ADAD1: variants seen among roughly 807,000 people sequenced by gnomAD.
The protein encoded by ADAD1 is adenosine deaminase domain containing 1, also known as adenosine deaminase domain-containing protein 1.
In ADAD1, 46 loss-of-function variants were observed where a neutral mutation model predicts 66.8. That is an observed-to-expected ratio of 0.69 (90% CI 0.54 to 0.88). The LOEUF (loss-of-function observed/expected upper bound fraction) is 0.88, where lower values mean the gene tolerates loss of function less well. ADAD1 is among the 40% of genes least tolerant of loss of function. The pLI is 0.00. For missense variants in ADAD1, 617 were observed against 681.8 expected, an observed-to-expected ratio of 0.91 and a Z score of 1.06; for synonymous variants, 248 against 229.4, an observed-to-expected ratio of 1.08 and a Z score of -0.73.
At chr4:122,425,937 GA>G (rs1797213827) in intron 12 of ADAD1, among the ~76,000 whole-genome samples, 1 of 151,936 alleles carries the variant, frequency 6.6e-6, no homozygotes, top group Admixed American at 6.6e-5. Flanking sequence ...TCCAGTTCAA[GA>G]AGCCAGAAGA....
chr4:122,384,505 C>G (rs1405042617), intron 5 of ADAD1, among the ~76,000 whole-genome samples: 2 of 152,058 alleles, frequency 1.3e-5, no homozygotes, highest in Non-Finnish European at 2.9e-5. Context: ...ATAGTTATAC[C>G]TTCTGTGGTT....
intron 8 of ADAD1, among the ~76,000 whole-genome samples, chr4:122,410,456 A>C (rs1029101337): frequency 1.3e-5 from 2 of 152,178 alleles, no homozygotes; most frequent in East Asian, 1.9e-4. Context: ...GTAGTCTTTC[A>C]GGAGATCTGC....
At chr4:122,387,053 T>C (rs971866593) in intron 5 of ADAD1, among the ~76,000 whole-genome samples, 3 of 152,164 alleles carry the variant, frequency 2.0e-5, no homozygotes, top group Non-Finnish European at 2.9e-5. Flanking sequence ...TTTAAAATAG[T>C]TTTTTCTAAT....
At chr4:122,392,993 A>C (rs1021763156) in intron 5 of ADAD1, among the ~76,000 whole-genome samples, 1 of 148,424 alleles carries the variant, frequency 6.7e-6, no homozygotes, top group Non-Finnish European at 1.5e-5. Flanking sequence ...GACTACTTTA[A>C]TTGGTACCTT....
At chr4:122,406,996 A>G (rs1796243147) in intron 7 of ADAD1, among the ~76,000 whole-genome samples, 1 of 152,094 alleles carries the variant, frequency 6.6e-6, no homozygotes, top group Non-Finnish European at 1.5e-5. Flanking sequence ...TGTCTTGCTC[A>G]ACATTTTATT....
At position 122,380,463 on chromosome 4, in the gene ADAD1, AC is replaced by A. The variant is rs926462666; in HGVS notation, c.172+230del. 2.1e-4 allele frequency: 109 copies of A among 520,884 alleles called. 1 individual carries two copies. Among genetic ancestry groups the A allele is most frequent in the East Asian group, 8.4e-4 (25 of 29,714 alleles). The allele number at this position is 520,884 out of a possible 1,614,324, so 32.3% of individuals were successfully genotyped here. ...ATCTGTTACCACCTTGACTGTTCAA[AC>A]CCCCCCCTTCAAGTGTGGCTTGCCT... On this transcript the variant is annotated intron_variant, in intron 3 of 12. Coordinates refer to ENST00000296513, the MANE Select transcript of ADAD1 (RefSeq NM_139243.4).
chr4:122,426,814 G>T (rs1797260047), intron 12 of ADAD1, among the ~76,000 whole-genome samples: 1 of 152,094 alleles, frequency 6.6e-6, no homozygotes, highest in Non-Finnish European at 1.5e-5. Context: ...AACAAACAAG[G>T]AATAGAAGTG....
intron 9 of ADAD1, among the ~76,000 whole-genome samples, chr4:122,412,362 C>A (rs560049352): frequency 6.6e-5 from 10 of 152,026 alleles, no homozygotes; most frequent in East Asian, 5.8e-4. Context: ...AAAAATATCT[C>A]TGTTGGAAGC....
chr4:122,422,637 G>A (rs77836544), intron 12 of ADAD1, among the ~76,000 whole-genome samples: 68 of 151,984 alleles, frequency 4.5e-4, no homozygotes, highest in Non-Finnish European at 8.7e-4. Context: ...AAGTATAAAA[G>A]CTTTTCTAGA....
At chr4:122,390,199 G>A (rs1345886354) in intron 5 of ADAD1, among the ~76,000 whole-genome samples, 1 of 152,144 alleles carries the variant, frequency 6.6e-6, no homozygotes, top group Non-Finnish European at 1.5e-5. Context: ...AATCTCTCCT[G>A]GCTAGCAGAG....
chr4:122,397,492 T>C (rs1332214661), intron 7 of ADAD1, among the ~76,000 whole-genome samples: 2 of 152,180 alleles, frequency 1.3e-5, no homozygotes, highest in African/African-American at 4.8e-5. Flanking sequence ...AATGTCAATA[T>C]TAGTACTTGG....
At chr4:122,419,309 A>G (rs1560604818) in intron 11 of ADAD1, among the ~76,000 whole-genome samples, 1 of 152,180 alleles carries the variant, frequency 6.6e-6, no homozygotes, top group African/African-American at 2.4e-5. Flanking sequence ...GTTCTCTCTT[A>G]TAAGTAGGAG....
At position 122,380,066 on chromosome 4, in the gene ADAD1, GA is replaced by G; in HGVS notation, c.1del. Reference sequence around the variant, plus strand: ...CAATTTTATCGTGACCTCTAGGTGAGAAAATGGCTAGCAACAATCATTGGTT... The same window carrying G: ...CAATTTTATCGTGACCTCTAGGTGAGAAATGGCTAGCAACAATCATTGGTT... On this transcript the variant is annotated 5_prime_UTR_variant, in exon 3 of 13. Transcript: ENST00000296513. 1.2e-6 allele frequency: 2 copies of G among 1,610,304 alleles called. No individual in the cohort carries two copies. Among genetic ancestry groups the G allele is most frequent in the Non-Finnish European group, 1.7e-6 (2 of 1,178,728 alleles).
At chr4:122,427,013 A>G (rs1293271721) in intron 12 of ADAD1, among the ~76,000 whole-genome samples, 1 of 152,230 alleles carries the variant, frequency 6.6e-6, no homozygotes, top group African/African-American at 2.4e-5. Flanking sequence ...AGAAAAAGAG[A>G]TTAAAAGGTA....
chr4:122,390,506 A>G (rs1403763842), intron 5 of ADAD1, among the ~76,000 whole-genome samples: 1 of 152,102 alleles, frequency 6.6e-6, no homozygotes, highest in Admixed American at 6.5e-5. Context: ...AGTCAATCAT[A>G]GGTTTGGTCT....
chr4:122,389,607 TA>T (rs1171887647), intron 5 of ADAD1, among the ~76,000 whole-genome samples: 6 of 152,252 alleles, frequency 3.9e-5, no homozygotes, highest in African/African-American at 1.4e-4. Flanking sequence ...TACCATTAGG[TA>T]ATGCCCTCCT....
intron 12 of ADAD1, among the ~76,000 whole-genome samples, chr4:122,429,224 A>G (rs554301642): frequency 6.6e-6 from 1 of 151,994 alleles, no homozygotes; most frequent in Non-Finnish European, 1.5e-5. Context: ...ACTTGAGGCC[A>G]GGAGTTCAAG....
chr4:122,410,721 T>TA (rs1796428697), intron 8 of ADAD1, among the ~76,000 whole-genome samples: 1 of 152,254 alleles, frequency 6.6e-6, no homozygotes, highest in African/African-American at 2.4e-5. Context: ...CATTTCTTAA[T>TA]ACAGCTTCTG....
intron 5 of ADAD1, among the ~76,000 whole-genome samples, chr4:122,390,934 C>T (rs575120721): frequency 6.6e-6 from 1 of 152,246 alleles, no homozygotes; most frequent in South Asian, 2.1e-4. Flanking sequence ...GTAGAAGAGG[C>T]ACTCTGGCCT....
Sources: allele counts gnomAD v4.1 joint callset (sites outside exome capture counted in the v4.1 genomes callset), GRCh38; gene constraint gnomAD v4.1.1; transcripts MANE v1.5; gene names NCBI Gene and HGNC (gene_info 2026-07-23, HGNC 2026-07-21).